SPOCK3: variants seen among roughly 807,000 people sequenced by gnomAD.
SPOCK3 encodes the protein testican-3.
In SPOCK3, 30 loss-of-function variants were observed where a neutral mutation model predicts 56.6. That is an observed-to-expected ratio of 0.53 (90% CI 0.40 to 0.72). The LOEUF (loss-of-function observed/expected upper bound fraction) is 0.72, where lower values mean the gene tolerates loss of function less well. Ranked by LOEUF, SPOCK3 falls within the 30% of genes least tolerant of loss-of-function variation. The probability of loss-of-function intolerance (pLI) is 0.00; values close to 1 mark genes in which losing one functional copy is unlikely to be tolerated. For synonymous variants in SPOCK3, 196 were observed against 183.3 expected, an observed-to-expected ratio of 1.07 and a Z score of -0.56; for missense variants, 527 against 530.0, an observed-to-expected ratio of 0.99 and a Z score of 0.06.
intron 6 of SPOCK3, among the ~76,000 whole-genome samples, chr4:166,850,059 T>G (rs1161855152): frequency 6.6e-6 from 1 of 152,250 alleles, no homozygotes; most frequent in East Asian, 1.9e-4. Flanking sequence ...CTACACATTT[T>G]TCTTTGAGAC....
rs1739174942 is a variant in SPOCK3 at position 166,773,395 on chromosome 4, C to G, written c.710-18666G>C. Among the ~76,000 whole-genome samples the G allele has an allele frequency of 4.6e-5, 7 of 151,874 alleles. No individual in the cohort carries two copies. The South Asian group carries it at 1.5e-3, about 32-fold the overall frequency. ...AGACTGTAATGAAGGTGTGAAAAAA[C>G]TGATGCTTTATTTTGCAGTGTAATA... On this transcript the variant is annotated intron_variant, in intron 7 of 10. Transcript: ENST00000357545.
At chr4:167,013,616 T>C (rs1750312567) in intron 3 of SPOCK3, among the ~76,000 whole-genome samples, 4 of 151,862 alleles carry the variant, frequency 2.6e-5, no homozygotes, top group Admixed American at 2.0e-4. Flanking sequence ...AAGATGAAGA[T>C]ACTGAATTCT....
intron 4 of SPOCK3, among the ~76,000 whole-genome samples, chr4:166,947,233 GC>G (rs1741881029): frequency 6.6e-6 from 1 of 151,934 alleles, no homozygotes; most frequent in Non-Finnish European, 1.5e-5. Flanking sequence ...TCAACCAACA[GC>G]CCCATGCTTT....
At chr4:167,110,044 TAAAG>T (rs1561226506) in intron 2 of SPOCK3, among the ~76,000 whole-genome samples, 1 of 152,006 alleles carries the variant, frequency 6.6e-6, no homozygotes, top group Non-Finnish European at 1.5e-5. Context: ...TTTGCTTGGG[TAAAG>T]CATAATTCTT....
chr4:166,959,852 A>C (rs1016647983), intron 4 of SPOCK3, among the ~76,000 whole-genome samples: 3 of 152,188 alleles, frequency 2.0e-5, no homozygotes, highest in African/African-American at 4.8e-5. Flanking sequence ...TATTCACAAT[A>C]AGTAAACATA....
chr4:167,052,127 G>C (rs189291683), intron 3 of SPOCK3, among the ~76,000 whole-genome samples: 5 of 152,114 alleles, frequency 3.3e-5, no homozygotes, highest in Admixed American at 2.6e-4. Flanking sequence ...CCTTCATTTG[G>C]TATAGAACAA....
chr4:167,003,632 G>A (rs1012890114), intron 3 of SPOCK3, among the ~76,000 whole-genome samples: 3 of 152,000 alleles, frequency 2.0e-5, no homozygotes, highest in Non-Finnish European at 2.9e-5. Context: ...CTTCTGTTCC[G>A]CATGATTGTA....
intron 2 of SPOCK3, among the ~76,000 whole-genome samples, chr4:167,204,252 T>A (rs1733806291): frequency 6.6e-6 from 1 of 152,030 alleles, no homozygotes. Flanking sequence ...ACTCTCTGGA[T>A]ACAAGGGTGA....
At chr4:167,165,448 T>C (rs1018820116) in intron 2 of SPOCK3, among the ~76,000 whole-genome samples, 1 of 151,864 alleles carries the variant, frequency 6.6e-6, no homozygotes, top group Admixed American at 6.6e-5. Context: ...CCAACAAATA[T>C]ATGAAAAAAA....
chr4:166,930,262 A>G (rs1739588370), intron 4 of SPOCK3, among the ~76,000 whole-genome samples: 2 of 152,182 alleles, frequency 1.3e-5, no homozygotes, highest in Non-Finnish European at 2.9e-5. Flanking sequence ...GAAAGGGAAG[A>G]AAAAGGGGAG....
chr4:166,860,808 T>TATAC (rs953271532), intron 6 of SPOCK3, among the ~76,000 whole-genome samples: 1 of 142,962 alleles, frequency 7.0e-6, no homozygotes, highest in African/African-American at 2.6e-5. Flanking sequence ...AATTCATATA[T>TATAC]ATATATATGT....
At chr4:166,945,197 C>A (rs921337190) in intron 4 of SPOCK3, among the ~76,000 whole-genome samples, 37 of 152,114 alleles carry the variant, frequency 2.4e-4, no homozygotes, top group African/African-American at 8.7e-4. Flanking sequence ...AAACCAAGAC[C>A]TATGAACCAG....
chr4:167,003,510 C>G, intron 3 of SPOCK3, among the ~76,000 whole-genome samples: 1 of 152,206 alleles, frequency 6.6e-6, no homozygotes, highest in Non-Finnish European at 1.5e-5. Flanking sequence ...TTTCTCTTGG[C>G]TGAAGTCCAC....
At chr4:166,949,504 A>T (rs1381510406) in intron 4 of SPOCK3, among the ~76,000 whole-genome samples, 1 of 152,080 alleles carries the variant, frequency 6.6e-6, no homozygotes, top group African/African-American at 2.4e-5. Flanking sequence ...ATGGTGATGT[A>T]CAGATGGGTT....
At chr4:167,218,755 C>T (rs187589445) in intron 2 of SPOCK3, among the ~76,000 whole-genome samples, 20 of 151,916 alleles carry the variant, frequency 1.3e-4, no homozygotes, top group East Asian at 5.8e-4. Flanking sequence ...AATATGTAAA[C>T]GAAAGACAAA....
At chr4:166,995,817 C>T (rs2150120126) in intron 4 of SPOCK3, among the ~76,000 whole-genome samples, 1 of 152,120 alleles carries the variant, frequency 6.6e-6, no homozygotes, top group East Asian at 1.9e-4. Flanking sequence ...CAGTCATATT[C>T]CATAGAAGTT....
At chr4:166,771,514 T>G (rs1443962585) in intron 7 of SPOCK3, among the ~76,000 whole-genome samples, 1 of 152,012 alleles carries the variant, frequency 6.6e-6, no homozygotes, top group South Asian at 2.1e-4. Context: ...CTAAGTTAGG[T>G]AGTTTGACAT....
chr4:166,970,991 G>A (rs909877163), intron 4 of SPOCK3, among the ~76,000 whole-genome samples: 1 of 152,118 alleles, frequency 6.6e-6, no homozygotes, highest in African/African-American at 2.4e-5. Context: ...GCTCCTGAGT[G>A]GCTGGGATTA....
chr4:167,153,754 A>G lies in SPOCK3; in HGVS notation c.189+80231T>C, dbSNP rs116153117. Among the ~76,000 whole-genome samples the G allele has an allele frequency of 3.1e-3, 471 of 152,350 alleles. 2 individuals are homozygous for G. Among genetic ancestry groups the G allele is most frequent in the African/African-American group, 0.011 (453 of 41,584 alleles). The stretch of plus-strand genomic sequence containing the variant: ...CAGTGAATACTGCACTAGCGTTCAA[A>G]TGACACATAGCATCAAAACACAAGG... On this transcript the variant is annotated intron_variant, in intron 2 of 10. Coordinates refer to ENST00000357545, the MANE Select transcript of SPOCK3 (RefSeq NM_001040159.2).
Sources: gnomAD v4.1 joint callset for allele counts (sites outside exome capture counted in the v4.1 genomes callset) on GRCh38, gnomAD v4.1.1 for gene constraint, MANE v1.5 for transcripts, NCBI Gene and HGNC (gene_info 2026-07-23, HGNC 2026-07-21) for gene names.